ANKFN1: variants seen among roughly 807,000 people sequenced by gnomAD.
ANKFN1 encodes the protein ankyrin repeat and fibronectin type III domain containing 1, also known as ankyrin repeat and fibronectin type-III domain-containing protein 1.
A neutral mutation model predicts 108.7 loss-of-function variants in ANKFN1; 74 were observed. That is an observed-to-expected ratio of 0.68 (90% confidence interval 0.56 to 0.83). The LOEUF is 0.83. Among genes scored for constraint, ANKFN1 ranks in the 40% least tolerant of loss-of-function variants. The probability of loss-of-function intolerance (pLI) is 0.00; values close to 1 mark genes in which losing one functional copy is unlikely to be tolerated. For synonymous variants in ANKFN1, 547 were observed against 516.2 expected, an observed-to-expected ratio of 1.06 and a Z score of -0.81; for missense variants, 1,505 against 1,382.3, an observed-to-expected ratio of 1.09 and a Z score of -1.41.
At chr17:56,248,264 G>C (rs1383177681) in intron 3 of ANKFN1, among the ~76,000 whole-genome samples, 1 of 152,168 alleles carries the variant, frequency 6.6e-6, no homozygotes, top group Non-Finnish European at 1.5e-5. Context: ...TCATGATACA[G>C]AGTATGAGAA....
At chr17:56,413,241 T>C (rs145236286) in intron 8 of ANKFN1, among the ~76,000 whole-genome samples, 3 of 152,324 alleles carry the variant, frequency 2.0e-5, no homozygotes, top group East Asian at 3.9e-4. Flanking sequence ...TGTTGGTATA[T>C]AGGAATGCTA....
intron 8 of ANKFN1, among the ~76,000 whole-genome samples, chr17:56,380,559 G>A (rs1176044696): frequency 3.3e-5 from 5 of 152,210 alleles, no homozygotes; most frequent in South Asian, 2.1e-4. Flanking sequence ...GACGGCACCT[G>A]GAAAATCGGG....
intron 3 of ANKFN1, among the ~76,000 whole-genome samples, chr17:56,240,968 T>G (rs1045989647): frequency 6.6e-6 from 1 of 152,154 alleles, no homozygotes; most frequent in Non-Finnish European, 1.5e-5. Context: ...TTGGCCTGTT[T>G]TTTTTAACTT....
intron 1 of ANKFN1, chr17:56,174,480 C>A: frequency 1.1e-6 from 1 of 904,692 alleles, no homozygotes. Flanking sequence ...GGTGCAATTA[C>A]TTGTGCTCCC....
intron 18 of ANKFN1, among the ~76,000 whole-genome samples, chr17:56,488,188 G>C (rs1330850390): frequency 6.6e-6 from 1 of 152,176 alleles, no homozygotes; most frequent in African/African-American, 2.4e-5. Context: ...TGGATATCAT[G>C]AGACAATTAA....
At chr17:56,336,666 C>T (rs1401659119) in intron 4 of ANKFN1, among the ~76,000 whole-genome samples, 1 of 152,130 alleles carries the variant, frequency 6.6e-6, no homozygotes, top group Non-Finnish European at 1.5e-5. Context: ...TTTCAAAAAA[C>T]CAGTTCCTGG....
intron 3 of ANKFN1, among the ~76,000 whole-genome samples, chr17:56,321,692 C>T (rs751663647): frequency 5.9e-5 from 9 of 152,150 alleles, no homozygotes; most frequent in African/African-American, 2.2e-4. Flanking sequence ...CCTAATTTTG[C>T]AAGTATTCTG....
intron 4 of ANKFN1, 87 bp from the exon 5 acceptor site, chr17:56,350,679 C>A: frequency 1.6e-6 from 2 of 1,261,262 alleles, no homozygotes; most frequent in Non-Finnish European, 2.3e-6. Flanking sequence ...TATTTGGATT[C>A]CAGATACTGA....
At chr17:56,120,270 T>C (rs912174659) in intron 4 of ANKFN1, among the ~76,000 whole-genome samples, 5 of 152,196 alleles carry the variant, frequency 3.3e-5, no homozygotes, top group Non-Finnish European at 7.4e-5. Context: ...CTTGATCTGT[T>C]TCTACATCTC....
At chr17:56,337,478 A>G (rs1005548228) in intron 4 of ANKFN1, among the ~76,000 whole-genome samples, 1 of 152,142 alleles carries the variant, frequency 6.6e-6, no homozygotes, top group African/African-American at 2.4e-5. Context: ...ATCTAATTAA[A>G]CTAAAGGGCT....
chr17:56,241,485 G>A (rs2080950373), intron 3 of ANKFN1, among the ~76,000 whole-genome samples: 1 of 151,918 alleles, frequency 6.6e-6, no homozygotes, highest in African/African-American at 2.4e-5. Flanking sequence ...TTTTCTGAGG[G>A]ATCTACTCTG....
intron 8 of ANKFN1, among the ~76,000 whole-genome samples, chr17:56,437,175 T>C (rs562133289): frequency 6.6e-6 from 1 of 152,348 alleles, no homozygotes; most frequent in South Asian, 2.1e-4. Context: ...CCACATCTTC[T>C]TACAACCGGC....
intron 8 of ANKFN1, among the ~76,000 whole-genome samples, chr17:56,428,234 C>CAA (rs968135875): frequency 7.7e-6 from 1 of 129,148 alleles, no homozygotes. Flanking sequence ...AAATCCATCT[C>CAA]AAAAAAAAAA....
At chr17:56,217,944 G>A (rs1251624825) in intron 2 of ANKFN1, among the ~76,000 whole-genome samples, 10 of 152,130 alleles carry the variant, frequency 6.6e-5, no homozygotes, top group Admixed American at 6.6e-4. Context: ...ACATGTCCCA[G>A]TGGCTCCACA....
intron 4 of ANKFN1, among the ~76,000 whole-genome samples, chr17:56,081,363 AT>A (rs1905244027): frequency 8.1e-6 from 1 of 123,274 alleles, no homozygotes. Flanking sequence ...TATTATTTTT[AT>A]TTTTTTGAGA....
chr17:56,456,043 G>A (rs1390748565), intron 11 of ANKFN1, among the ~76,000 whole-genome samples: 2 of 152,168 alleles, frequency 1.3e-5, no homozygotes, highest in Non-Finnish European at 2.9e-5. Context: ...GAGATGATAT[G>A]GGTGGGGTTT....
At chr17:56,445,978 T>G (rs1414831233) in intron 10 of ANKFN1, among the ~76,000 whole-genome samples, 1 of 152,174 alleles carries the variant, frequency 6.6e-6, no homozygotes, top group Admixed American at 6.5e-5. Context: ...GGTTCCTGAT[T>G]TCTTAATATA....
intron 8 of ANKFN1, among the ~76,000 whole-genome samples, chr17:56,425,951 G>C (rs1193020938): frequency 6.6e-6 from 1 of 152,184 alleles, no homozygotes; most frequent in African/African-American, 2.4e-5. Context: ...GTGTCAGTTA[G>C]AGTCTGATGA....
chr17:56,147,190 A>G (rs895479351), intron 4 of ANKFN1, among the ~76,000 whole-genome samples: 4 of 152,176 alleles, frequency 2.6e-5, no homozygotes, highest in African/African-American at 9.7e-5. Context: ...AAGCCGTTCA[A>G]CAAGTTTCTA....
Sources: gnomAD v4.1 joint callset for allele counts (sites outside exome capture counted in the v4.1 genomes callset) on GRCh38, gnomAD v4.1.1 for gene constraint, MANE v1.5 for transcripts, NCBI Gene and HGNC (gene_info 2026-07-23, HGNC 2026-07-21) for gene names.